Variants in ATXN1 observed in about 807,000 individuals in gnomAD.
The protein encoded by ATXN1 is ataxin 1.
Under a neutral mutation model 56.4 loss-of-function variants are expected in ATXN1, and 8 were observed. The ratio of observed to expected loss-of-function variants is 0.14; its 90% CI spans 0.08 to 0.26. The LOEUF (loss-of-function observed/expected upper bound fraction) is 0.26, where lower values mean the gene tolerates loss of function less well. ATXN1 is among the 10% of genes least tolerant of loss of function. ATXN1 has a pLI of 1.00. For synonymous variants in ATXN1, 514 were observed against 494.6 expected (o/e 1.04, Z -0.52); for missense variants, 987 against 1,106.5 (o/e 0.89, Z 1.53).
intron 2 of ATXN1, among the ~76,000 whole-genome samples, chr6:16,717,058 T>TG (rs1293604819): frequency 6.6e-6 from 1 of 152,234 alleles, no homozygotes; most frequent in African/African-American, 2.4e-5. Context: ...GATGAGAACA[T>TG]GGACATACAA....
At chr6:16,721,966 C>G (rs189698840) in intron 2 of ATXN1, among the ~76,000 whole-genome samples, 1 of 152,306 alleles carries the variant, frequency 6.6e-6, no homozygotes, top group African/African-American at 2.4e-5. Flanking sequence ...TTGGGACGTT[C>G]TGGAAAAGTT....
At chr6:16,496,766 C>T (rs1411688580) in intron 5 of ATXN1, among the ~76,000 whole-genome samples, 1 of 152,086 alleles carries the variant, frequency 6.6e-6, no homozygotes, top group African/African-American at 2.4e-5. Flanking sequence ...TTTCCTACCT[C>T]TCTTTAAGAC....
At chr6:16,595,178 AG>A (rs1234342223) in intron 3 of ATXN1, among the ~76,000 whole-genome samples, 14 of 152,244 alleles carry the variant, frequency 9.2e-5, no homozygotes, top group African/African-American at 2.7e-4. Context: ...AGAGGAAGAG[AG>A]GGCTGATTAG....
rs1167858661 is a variant in ATXN1, at chr6:16,300,055, T to TATC, written c.*6271_*6273dup. On this transcript the variant is annotated 3_prime_UTR_variant, in exon 8 of 8. Transcript: ENST00000436367. ...CTTGGTATTCTGGAGGACAGTATGT[T>TATC]ATCTTGGTAAGGATTACTGTAAACA... 6 of 152,636 alleles carry TATC rather than the reference T, an allele frequency of 3.9e-5. No homozygotes were observed. The highest frequency in any genetic ancestry group is 5.9e-5 in the Non-Finnish European group (4 of 68,044). The allele number at this position is 152,636 out of a possible 1,614,324, so 9.5% of individuals were successfully genotyped here. A position where few individuals can be genotyped will look rare whatever the true frequency, so the allele number is the denominator to read the frequency against.
At chr6:16,727,979 G>C (rs1475379507) in intron 2 of ATXN1, among the ~76,000 whole-genome samples, 1 of 152,204 alleles carries the variant, frequency 6.6e-6, no homozygotes, top group Non-Finnish European at 1.5e-5. Flanking sequence ...CTCTAAAATG[G>C]GGAAGCTGCA....
At position 16,753,261 on chromosome 6, in the gene ATXN1, G is replaced by C. The variant is rs886662944; in HGVS notation, c.-643C>G. On this transcript the variant is annotated 5_prime_UTR_variant, in exon 2 of 8. Transcript: ENST00000436367. Reference sequence around the variant, plus strand: ...ACATGTGATGCACTTCCCTGTAGTGGCAGTGGAGGAGGAGATTGCTGTACA... The same window carrying C: ...ACATGTGATGCACTTCCCTGTAGTGCCAGTGGAGGAGGAGATTGCTGTACA... The C allele has an allele frequency of 2.8e-5, 13 of 456,602 alleles. No homozygotes were observed. Among genetic ancestry groups the C allele is most frequent in the African/African-American group, 1.0e-4 (5 of 50,060 alleles). The allele number at this position is 456,602 out of a possible 1,614,324, so 28.3% of individuals were successfully genotyped here.
chr6:16,655,995 C>A (rs1758193101), intron 3 of ATXN1, among the ~76,000 whole-genome samples: 1 of 150,622 alleles, frequency 6.6e-6, no homozygotes, highest in South Asian at 2.1e-4. Context: ...GAGGTTGAGG[C>A]AGGAGAATCG....
chr6:16,415,630 C>G (rs1167051196), intron 6 of ATXN1, among the ~76,000 whole-genome samples: 2 of 152,220 alleles, frequency 1.3e-5, no homozygotes, highest in Non-Finnish European at 2.9e-5. Context: ...AGAAAGGGAC[C>G]TGTGAGTGAG....
At chr6:16,413,003 G>A (rs1442789627) in intron 6 of ATXN1, among the ~76,000 whole-genome samples, 1 of 152,104 alleles carries the variant, frequency 6.6e-6, no homozygotes, top group African/African-American at 2.4e-5. Flanking sequence ...CTAGTGTTAG[G>A]GTGATGAGGT....
intron 6 of ATXN1, among the ~76,000 whole-genome samples, chr6:16,454,097 C>A (rs1759813475): frequency 7.6e-6 from 1 of 131,500 alleles, no homozygotes. Context: ...TGGACTCCAG[C>A]CTGGGCAATA....
rs188551293 is a variant in ATXN1, at chr6:16,346,765, G to A, written c.-160-18295C>T. On this transcript the variant is annotated intron_variant, in intron 6 of 7. Transcript: ENST00000436367. ...CTTGCTCTCTGCGCCTCCTCTGCCT[G>A]GGCTCCCACTTTGGCGGCTCTTGAG... Among the ~76,000 whole-genome samples the A allele has an allele frequency of 1.9e-4, 29 of 152,310 alleles. 1 individual carries two copies. The East Asian group carries it at 4.6e-3, about 24-fold the overall frequency.
At chr6:16,313,826 T>A (rs1054830829) in intron 7 of ATXN1, among the ~76,000 whole-genome samples, 2 of 152,160 alleles carry the variant, frequency 1.3e-5, no homozygotes, top group African/African-American at 4.8e-5. Context: ...CCTCCCAAAA[T>A]GCTAGGATTA....
chr6:16,710,914 C>T (rs964737363), intron 2 of ATXN1, among the ~76,000 whole-genome samples: 5 of 151,410 alleles, frequency 3.3e-5, no homozygotes, highest in African/African-American at 4.9e-5. Flanking sequence ...AATAGAGACA[C>T]GGTCTCACTC....
At chr6:16,656,345 G>C (rs1249076191) in intron 3 of ATXN1, among the ~76,000 whole-genome samples, 1 of 152,110 alleles carries the variant, frequency 6.6e-6, no homozygotes, top group Non-Finnish European at 1.5e-5. Context: ...AAATTTGCAG[G>C]AGACCTTGGA....
intron 4 of ATXN1, among the ~76,000 whole-genome samples, chr6:16,584,271 C>T (rs111562283): frequency 0.036 from 5,051 of 139,918 alleles, 166 homozygotes; most frequent in East Asian, 0.063. Context: ...CACACACACA[C>T]ATATACACAT....
chr6:16,501,707 T>C (rs1760889045), intron 5 of ATXN1, among the ~76,000 whole-genome samples: 1 of 152,236 alleles, frequency 6.6e-6, no homozygotes, highest in South Asian at 2.1e-4. Context: ...CACATTTTCT[T>C]TATCCAGTCT....
intron 2 of ATXN1, chr6:16,736,926 A>T (rs1011555442): frequency 1.3e-5 from 2 of 152,162 alleles, no homozygotes; most frequent in Admixed American, 1.3e-4. Context: ...CAGAGAGAAA[A>T]GCAAAAGCAA....
chr6:16,578,884 G>A (rs1053711482), intron 4 of ATXN1, among the ~76,000 whole-genome samples: 6 of 152,194 alleles, frequency 3.9e-5, no homozygotes, highest in African/African-American at 1.4e-4. Context: ...GCTGAAGTCC[G>A]CATTGTCTAA....
intron 6 of ATXN1, among the ~76,000 whole-genome samples, chr6:16,444,923 T>C (rs1486226724): frequency 6.6e-6 from 1 of 152,014 alleles, no homozygotes; most frequent in African/African-American, 2.4e-5. Context: ...TCCCAAGAAA[T>C]TCAGGAGACA....
Sources: allele counts gnomAD v4.1 joint callset (sites outside exome capture counted in the v4.1 genomes callset), GRCh38; gene constraint gnomAD v4.1.1; transcripts MANE v1.5; gene names NCBI Gene and HGNC (gene_info 2026-07-23, HGNC 2026-07-21).